MYO16: variants seen among roughly 807,000 people sequenced by gnomAD.
The protein encoded by MYO16 is myosin XVI, also known as unconventional myosin-XVI.
A neutral mutation model predicts 205.3 loss-of-function variants in MYO16; 94 were observed. The ratio of observed to expected loss-of-function variants is 0.46; its 90% confidence interval spans 0.39 to 0.54. The LOEUF (loss-of-function observed/expected upper bound fraction) is 0.54, where lower values mean the gene tolerates loss of function less well. MYO16 is among the 20% of genes least tolerant of loss of function. The pLI is 0.00. For missense variants in MYO16, 2,315 were observed against 2,387.5 expected, an observed-to-expected ratio of 0.97 and a Z score of 0.63; for synonymous variants, 988 against 954.0, an observed-to-expected ratio of 1.04 and a Z score of -0.66.
In MYO16 at chr13:108,964,610, A is replaced by T. The variant is rs148674747; in HGVS notation, c.2228-151A>T. ...TAGGAAACATTTTGCATAATAACTG[A>T]CGGAGACCTCATTTATGAGAATCCG... On this transcript the variant is annotated intron_variant, in intron 19 of 34. Coordinates refer to ENST00000457511, the MANE Select transcript of MYO16 (RefSeq NM_001198950.3). 5.9e-4 allele frequency: 482 copies of T among 820,540 alleles called. 2 individuals carry two copies. The East Asian group carries it at 0.011, about 19-fold the overall frequency. 50.8% of individuals were successfully genotyped at this position (820,540 alleles called of 1,614,324 possible).
intron 16 of MYO16, among the ~76,000 whole-genome samples, chr13:108,920,176 G>A (rs1462069461): frequency 1.3e-5 from 2 of 152,146 alleles, no homozygotes; most frequent in Non-Finnish European, 2.9e-5. Context: ...GGACCACGAC[G>A]CAGATGTTTG....
At chr13:108,556,965 T>G in the MYO16 span, among the ~76,000 whole-genome samples, 19 of 152,256 alleles carry the variant, frequency 1.2e-4, no homozygotes, top group African/African-American at 4.6e-4. Flanking sequence ...TATTTCTGGG[T>G]TCTTTATTTT....
At chr13:108,516,585 G>A in the MYO16 span, among the ~76,000 whole-genome samples, 2 of 152,288 alleles carry the variant, frequency 1.3e-5, no homozygotes, top group Admixed American at 1.3e-4. Flanking sequence ...TGATATACAG[G>A]CACACGTAAC....
intron 12 of MYO16, among the ~76,000 whole-genome samples, chr13:108,876,669 CT>C (rs35250959): frequency 0.6 from 80,794 of 134,994 alleles, 23,021 homozygotes; most frequent in South Asian, 0.74. Flanking sequence ...TATTCTCTCT[CT>C]TTTTTTTTTT....
At chr13:108,803,231 C>T (rs1887018045) in intron 6 of MYO16, among the ~76,000 whole-genome samples, 1 of 152,240 alleles carries the variant, frequency 6.6e-6, no homozygotes, top group East Asian at 1.9e-4. Flanking sequence ...CTCTGTGCTG[C>T]CTTAAACCCT....
intron 20 of MYO16, among the ~76,000 whole-genome samples, chr13:108,981,564 A>G (rs1436923770): frequency 6.6e-6 from 1 of 152,232 alleles, no homozygotes; most frequent in South Asian, 2.1e-4. Context: ...GACCCCTGTC[A>G]CTGCCATGTG....
chr13:108,796,537 A>G (rs939380031), intron 6 of MYO16, among the ~76,000 whole-genome samples: 3 of 152,214 alleles, frequency 2.0e-5, no homozygotes. Flanking sequence ...ACAATGATAG[A>G]CTGGATTAAG....
chr13:108,983,263 T>C (rs543086585), intron 20 of MYO16, among the ~76,000 whole-genome samples: 1 of 152,308 alleles, frequency 6.6e-6, no homozygotes, highest in East Asian at 1.9e-4. Flanking sequence ...TCTTCCTCCT[T>C]CTCTCTTACC....
the MYO16 span, among the ~76,000 whole-genome samples, chr13:108,554,271 TG>T: frequency 6.6e-6 from 1 of 152,226 alleles, no homozygotes; most frequent in African/African-American, 2.4e-5. Context: ...CTTCCTTCCC[TG>T]GGTCTTTTTC....
At chr13:109,133,497 C>T (rs919597) in intron 31 of MYO16, among the ~76,000 whole-genome samples, 10,985 of 152,214 alleles carry the variant, frequency 0.072, 489 homozygotes, top group African/African-American at 0.11. Flanking sequence ...ATGGAAAATA[C>T]TTTGTAGGAG....
intron 28 of MYO16, among the ~76,000 whole-genome samples, chr13:109,110,168 C>T (rs1889241441): frequency 6.6e-6 from 1 of 152,216 alleles, no homozygotes; most frequent in South Asian, 2.1e-4. Context: ...CAAATGTGTG[C>T]TCTGACTGAA....
intron 1 of MYO16, among the ~76,000 whole-genome samples, chr13:108,637,197 G>A (rs150106661): frequency 1.3e-5 from 2 of 152,310 alleles, no homozygotes; most frequent in East Asian, 3.9e-4. Flanking sequence ...GGCTGCTGGT[G>A]TACTGATGAC....
intron 2 of MYO16, among the ~76,000 whole-genome samples, chr13:108,700,797 T>A (rs1413821993): frequency 6.6e-6 from 1 of 152,138 alleles, no homozygotes; most frequent in Non-Finnish European, 1.5e-5. Context: ...CATAGAGTAC[T>A]TCGAAAAACT....
intron 2 of MYO16, among the ~76,000 whole-genome samples, chr13:108,685,052 C>G (rs1882620790): frequency 7.1e-6 from 1 of 140,928 alleles, no homozygotes; most frequent in African/African-American, 2.7e-5. Context: ...GAGATAGAGT[C>G]TCGGTCTGTT....
chr13:108,611,972 CTTTT>C (rs201871787), intron 1 of MYO16, among the ~76,000 whole-genome samples: 1 of 89,778 alleles, frequency 1.1e-5, no homozygotes. Context: ...TTTTTTTTTT[CTTTT>C]TTTTTTTTTT....
At chr13:109,017,199 G>A (rs746888869) in intron 22 of MYO16, among the ~76,000 whole-genome samples, 1 of 152,078 alleles carries the variant, frequency 6.6e-6, no homozygotes, top group Non-Finnish European at 1.5e-5. Flanking sequence ...GTCTATAAAG[G>A]ATTTTATTTC....
At chr13:108,988,023 T>C (rs1054007209) in intron 20 of MYO16, among the ~76,000 whole-genome samples, 4 of 152,222 alleles carry the variant, frequency 2.6e-5, no homozygotes, top group South Asian at 2.1e-4. Context: ...GACAGTTTTG[T>C]TAACTATCAA....
the MYO16 span, among the ~76,000 whole-genome samples, chr13:108,555,758 C>T: frequency 0.055 from 8,354 of 152,266 alleles, 681 homozygotes; most frequent in African/African-American, 0.18. Flanking sequence ...TCCTCCTCCC[C>T]TTACCACACC....
intron 20 of MYO16, among the ~76,000 whole-genome samples, chr13:108,973,857 G>A (rs964681481): frequency 2.0e-5 from 3 of 151,982 alleles, no homozygotes; most frequent in Admixed American, 2.0e-4. Context: ...CATTAGGTGA[G>A]ACTTGTTATC....
Sources: gnomAD v4.1 joint callset for allele counts (sites outside exome capture counted in the v4.1 genomes callset) on GRCh38, gnomAD v4.1.1 for gene constraint, MANE v1.5 for transcripts, NCBI Gene and HGNC (gene_info 2026-07-23, HGNC 2026-07-21) for gene names.